Variants in EPHA5 observed in about 807,000 individuals in gnomAD.
The protein encoded by EPHA5 is EPH receptor A5, also known as ephrin type-A receptor 5.
A neutral mutation model predicts 105.0 loss-of-function variants in EPHA5; 60 were observed. The ratio of observed to expected loss-of-function variants is 0.57; its 90% confidence interval spans 0.46 to 0.71. The LOEUF is 0.71. EPHA5 is among the 30% of genes least tolerant of loss of function. The probability of loss-of-function intolerance (pLI) is 0.00; values close to 1 mark genes in which losing one functional copy is unlikely to be tolerated. For missense variants in EPHA5, 1,218 were observed against 1,274.7 expected (o/e 0.96, Z 0.68); for synonymous variants, 513 against 449.1 (o/e 1.14, Z -1.80).
At position 65,542,116 on chromosome 4, in the gene EPHA5, G is replaced by A. The variant is rs576446140; in HGVS notation, c.911-46573C>T. 9.2e-4 allele frequency among the ~76,000 whole-genome samples: 139 copies of A among 151,722 alleles called. 1 individual carries two copies. Among genetic ancestry groups the A allele is most frequent in the African/African-American group, 3.1e-3 (128 of 41,472 alleles). On this transcript the variant is annotated intron_variant, in intron 3 of 16. Coordinates refer to ENST00000613740, the MANE Select transcript of EPHA5 (RefSeq NM_001281766.3). Reference sequence around the variant, plus strand: ...AAGAGGGAAATTTACAGCACTAAAAGGTTCACATCAGAAAGTTAGAAATAT... The same window carrying A: ...AAGAGGGAAATTTACAGCACTAAAAAGTTCACATCAGAAAGTTAGAAATAT...
intron 5 of EPHA5, among the ~76,000 whole-genome samples, chr4:65,423,665 G>C (rs1290560902): frequency 7.1e-6 from 1 of 141,368 alleles, no homozygotes; most frequent in Non-Finnish European, 1.5e-5. Context: ...TTATGGGTTT[G>C]TCTGTTTTTT....
At chr4:65,507,454 G>T (rs184524500) in intron 3 of EPHA5, among the ~76,000 whole-genome samples, 2 of 152,086 alleles carry the variant, frequency 1.3e-5, no homozygotes, top group African/African-American at 4.8e-5. Flanking sequence ...AAATTACCTT[G>T]GGCAGTATGG....
At chr4:65,565,763 A>T (rs1306160928) in intron 3 of EPHA5, among the ~76,000 whole-genome samples, 1 of 151,714 alleles carries the variant, frequency 6.6e-6, no homozygotes, top group African/African-American at 2.4e-5. Flanking sequence ...GGAAATATAT[A>T]TGTGGCAGTT....
At chr4:65,387,154 G>C (rs549962319) in intron 8 of EPHA5, among the ~76,000 whole-genome samples, 35 of 152,002 alleles carry the variant, frequency 2.3e-4, no homozygotes, top group Non-Finnish European at 3.7e-4. Flanking sequence ...GGGTTGGGCG[G>C]TAAGTGGAAG....
chr4:65,373,868 A>AATG (rs1202242750), intron 8 of EPHA5, among the ~76,000 whole-genome samples: 5 of 151,656 alleles, frequency 3.3e-5, no homozygotes, highest in Admixed American at 2.0e-4. Flanking sequence ...CATGAAACCT[A>AATG]ATGAATGAAG....
intron 8 of EPHA5, among the ~76,000 whole-genome samples, chr4:65,387,182 T>G (rs1720183946): frequency 6.6e-6 from 1 of 151,918 alleles, no homozygotes; most frequent in Non-Finnish European, 1.5e-5. Context: ...GATAGTGATT[T>G]TCACCTTAGG....
At chr4:65,455,010 C>CCGAGG (rs1423986115) in intron 5 of EPHA5, among the ~76,000 whole-genome samples, 9 of 152,184 alleles carry the variant, frequency 5.9e-5, no homozygotes, top group African/African-American at 2.2e-4. Flanking sequence ...CTTTGGGAGG[C>CCGAGG]CGAGGCGGGC....
chr4:65,563,260 G>A (rs1739203429), intron 3 of EPHA5, among the ~76,000 whole-genome samples: 1 of 151,930 alleles, frequency 6.6e-6, no homozygotes, highest in Non-Finnish European at 1.5e-5. Context: ...TGCTGCTAAG[G>A]CGTTGATGGC....
chr4:65,554,048 A>G (rs948336661), intron 3 of EPHA5, among the ~76,000 whole-genome samples: 2 of 151,706 alleles, frequency 1.3e-5, no homozygotes. Flanking sequence ...TATAAAAGAA[A>G]AATTACTACG....
At chr4:65,471,539 G>A (rs1450461911) in intron 5 of EPHA5, among the ~76,000 whole-genome samples, 1 of 152,062 alleles carries the variant, frequency 6.6e-6, no homozygotes, top group Non-Finnish European at 1.5e-5. Context: ...CCTGAGACTG[G>A]GTGATTCATA....
intron 3 of EPHA5, among the ~76,000 whole-genome samples, chr4:65,575,742 C>T (rs1289979325): frequency 6.6e-6 from 1 of 151,920 alleles, no homozygotes; most frequent in African/African-American, 2.4e-5. Flanking sequence ...GAGGCCAAGG[C>T]AGGTGAATGG....
At chr4:65,487,002 C>G (rs1730944528) in intron 5 of EPHA5, among the ~76,000 whole-genome samples, 1 of 152,174 alleles carries the variant, frequency 6.6e-6, no homozygotes, top group Non-Finnish European at 1.5e-5. Flanking sequence ...TTCCCTGTCT[C>G]TTGTATTCCT....
At chr4:65,666,453 A>G (rs1246647852) in intron 1 of EPHA5, among the ~76,000 whole-genome samples, 1 of 152,200 alleles carries the variant, frequency 6.6e-6, no homozygotes, top group East Asian at 1.9e-4. Context: ...AAAAAGTGGC[A>G]GCTACTGAAT....
chr4:65,539,932 A>G (rs1221552939), intron 3 of EPHA5, among the ~76,000 whole-genome samples: 1 of 151,466 alleles, frequency 6.6e-6, no homozygotes, highest in East Asian at 1.9e-4. Context: ...TGTTATCACT[A>G]TATTATTTCC....
At chr4:65,506,150 T>C (rs1485592134) in intron 3 of EPHA5, among the ~76,000 whole-genome samples, 1 of 152,116 alleles carries the variant, frequency 6.6e-6, no homozygotes, top group Non-Finnish European at 1.5e-5. Flanking sequence ...GGTTTCCAGC[T>C]TCATCCATTC....
At chr4:65,518,692 G>A (rs1734356734) in intron 3 of EPHA5, among the ~76,000 whole-genome samples, 1 of 151,946 alleles carries the variant, frequency 6.6e-6, no homozygotes, top group African/African-American at 2.4e-5. Context: ...AGGTAAGTTG[G>A]CAAAGCTTCT....
intron 11 of EPHA5, among the ~76,000 whole-genome samples, chr4:65,359,476 T>A (rs749954433): frequency 4.0e-5 from 6 of 151,618 alleles, no homozygotes; most frequent in Non-Finnish European, 8.9e-5. Flanking sequence ...TATCTCCAAT[T>A]TAACATGTCC....
chr4:65,547,019 A>T (rs182534673), intron 3 of EPHA5, among the ~76,000 whole-genome samples: 67 of 152,190 alleles, frequency 4.4e-4, no homozygotes, highest in African/African-American at 1.6e-3. Flanking sequence ...TCTGTGATGG[A>T]AGTGTCACTG....
intron 5 of EPHA5, among the ~76,000 whole-genome samples, chr4:65,473,097 C>T (rs1162186882): frequency 1.3e-5 from 2 of 152,098 alleles, no homozygotes; most frequent in Non-Finnish European, 2.9e-5. Flanking sequence ...CAAGAATGAC[C>T]TTTTCTCCAG....
Sources: gnomAD v4.1 joint callset for allele counts (sites outside exome capture counted in the v4.1 genomes callset) on GRCh38, gnomAD v4.1.1 for gene constraint, MANE v1.5 for transcripts, NCBI Gene and HGNC (gene_info 2026-07-23, HGNC 2026-07-21) for gene names.